The following PPIG variants were observed in gnomAD, a reference collection of about 807,000 sequenced individuals.
The protein encoded by PPIG is peptidylprolyl isomerase G.
A neutral mutation model predicts 87.9 loss-of-function variants in PPIG; 26 were observed. The observed-to-expected ratio is 0.30, with a 90% confidence interval of 0.22 to 0.41. The LOEUF (loss-of-function observed/expected upper bound fraction) is 0.41. Ranked by LOEUF, PPIG falls within the 10% of genes least tolerant of loss-of-function variation. The pLI is 1.00. For missense variants in PPIG, 722 were observed against 879.4 expected, an observed-to-expected ratio of 0.82 and a Z score of 2.26; for synonymous variants, 308 against 276.5, an observed-to-expected ratio of 1.11 and a Z score of -1.13.
chr2:169,634,419 A>G (rs1008801984), intron 12 of PPIG, among the ~76,000 whole-genome samples: 1 of 151,920 alleles, frequency 6.6e-6, no homozygotes, highest in African/African-American at 2.4e-5. Context: ...ATCTTCTCAC[A>G]CTGCATATAC....
At chr2:169,598,352 G>A (rs893644195) in intron 1 of PPIG, among the ~76,000 whole-genome samples, 3 of 151,468 alleles carry the variant, frequency 2.0e-5, no homozygotes, top group African/African-American at 7.3e-5. Context: ...GTGCAGTGGC[G>A]CGATCTTGGC....
At chr2:169,618,852 G>T (rs549595303) in intron 9 of PPIG, among the ~76,000 whole-genome samples, 2,337 of 147,332 alleles carry the variant, frequency 0.016, 64 homozygotes, top group African/African-American at 0.056. Context: ...AGGGTTTTTT[G>T]TTTCTCTTAT....
At position 169,639,872 on chromosome 2, in the gene PPIG, T is replaced by C. The variant is rs1293525388; in HGVS notation, c.*2349T>C. The C allele has an allele frequency of 3.9e-5, 6 of 152,158 alleles. No individual in the cohort carries two copies. Among genetic ancestry groups the C allele is most frequent in the African/African-American group, 1.4e-4 (6 of 41,442 alleles). 9.4% of individuals were successfully genotyped at this position (152,158 alleles called of 1,614,324 possible). A position where few individuals can be genotyped will look rare whatever the true frequency, so the allele number is the denominator to read the frequency against. On this transcript the variant is annotated 3_prime_UTR_variant, in exon 14 of 14. Transcript: ENST00000260970. ...CATTGTTTTCCTAAAAGTCAACTAT[T>C]ACTTTCCCATCAAGTTGGTTTTATA...
intron 12 of PPIG, among the ~76,000 whole-genome samples, chr2:169,635,653 C>T (rs1686159403): frequency 6.6e-6 from 1 of 152,126 alleles, no homozygotes; most frequent in Admixed American, 6.5e-5. Flanking sequence ...CTGTTTTCCC[C>T]ATAATATGAG....
chr2:169,621,425 T>C (rs563707282), intron 9 of PPIG, among the ~76,000 whole-genome samples: 91 of 152,324 alleles, frequency 6.0e-4, no homozygotes, highest in South Asian at 3.1e-3. Context: ...ATGGGATTTC[T>C]TGATGTACAT....
At chr2:169,609,750 G>A (rs189481894) in intron 7 of PPIG, among the ~76,000 whole-genome samples, 2 of 152,276 alleles carry the variant, frequency 1.3e-5, no homozygotes. Flanking sequence ...AAACGGAATG[G>A]TGGAGTTAGA....
intron 9 of PPIG, among the ~76,000 whole-genome samples, chr2:169,622,218 C>T (rs904465819): frequency 3.3e-5 from 5 of 151,298 alleles, no homozygotes; most frequent in African/African-American, 7.3e-5. Flanking sequence ...GTCAGGAGGT[C>T]GAGACCAGCC....
intron 5 of PPIG, among the ~76,000 whole-genome samples, 176 bp downstream of exon 5, chr2:169,606,322 G>A (rs137976416): frequency 3.3e-5 from 5 of 151,766 alleles, no homozygotes; most frequent in African/African-American, 1.2e-4. Context: ...GGCTGGGTGC[G>A]GTGGCTCACG....
At chr2:169,590,387 C>T (rs183563061) in intron 1 of PPIG, among the ~76,000 whole-genome samples, 7 of 151,826 alleles carry the variant, frequency 4.6e-5, no homozygotes, top group Non-Finnish European at 1.0e-4. Context: ...AAGCCTGTAA[C>T]GCCAGCACTT....
chr2:169,608,306 C>T (rs1294304462), intron 6 of PPIG, among the ~76,000 whole-genome samples: 7 of 151,786 alleles, frequency 4.6e-5, no homozygotes, highest in Admixed American at 1.3e-4. Flanking sequence ...CTGGCTAACA[C>T]GGTGAAATGC....
chr2:169,606,987 C>T (rs190805150), intron 5 of PPIG, 117 bp from the exon 6 acceptor site: 20 of 704,146 alleles, frequency 2.8e-5, no homozygotes, highest in Middle Eastern at 3.9e-4. Flanking sequence ...TTGCTGCAAT[C>T]TTCGAATATT....
chr2:169,584,578 G>C, intron 1 of PPIG, 88 bp downstream of exon 1: 1 of 451,260 alleles, frequency 2.2e-6, no homozygotes, highest in Non-Finnish European at 4.5e-6. Flanking sequence ...GAAGAGGGGC[G>C]GAGCCGGCGC....
At position 169,606,040 on chromosome 2, in the gene PPIG, T is replaced by G; in HGVS notation, c.138T>G (p.Gly46=). ...TCENFRCLCT[G]EKGTGKSTQK... is the part of the protein sequence containing the mutation. ...TGTCCTATTTTTTTATCTCTATAGG[T>G]GAAAAGGGGACCGGGAAATCAACTC... Residue 46 remains glycine (G), a splice_region_variant and synonymous_variant, in exon 5 of 14, where the codon GGT becomes GGG. Coordinates refer to ENST00000260970, the MANE Select transcript of PPIG (RefSeq NM_004792.3). 1.9e-6 allele frequency: 3 copies of G among 1,602,886 alleles called. No homozygotes were observed. The highest frequency in any genetic ancestry group is 2.6e-6 in the Non-Finnish European group (3 of 1,170,056).
intron 11 of PPIG, among the ~76,000 whole-genome samples, chr2:169,632,209 C>A (rs72625204): frequency 0.11 from 17,164 of 152,118 alleles, 1,223 homozygotes; most frequent in South Asian, 0.26. Flanking sequence ...TAACAAGATA[C>A]TCTTTAACCA....
At chr2:169,629,082 A>G (rs1685972390) in intron 9 of PPIG, among the ~76,000 whole-genome samples, 1 of 152,196 alleles carries the variant, frequency 6.6e-6, no homozygotes. Context: ...TTCTGTAACC[A>G]AACAACCAAC....
At chr2:169,629,891 A>T (rs1685990317) in intron 9 of PPIG, among the ~76,000 whole-genome samples, 1 of 152,192 alleles carries the variant, frequency 6.6e-6, no homozygotes. Context: ...TTTATACTTT[A>T]TGAGTATCAC....
At chr2:169,588,146 C>CAA (rs59940992) in intron 1 of PPIG, among the ~76,000 whole-genome samples, 110,972 of 151,806 alleles carry the variant, frequency 0.73, 40,780 homozygotes, top group East Asian at 0.85. Context: ...GCCTGGGAAA[C>CAA]GAGCGAAACT....
At chr2:169,611,691 TTCC>T (rs1452541143) in intron 7 of PPIG, among the ~76,000 whole-genome samples, 3 of 152,190 alleles carry the variant, frequency 2.0e-5, no homozygotes, top group Non-Finnish European at 4.4e-5. Flanking sequence ...ATAATTTATT[TTCC>T]TCTTTTAAAT....
chr2:169,598,542 C>A (rs529306068), intron 1 of PPIG, among the ~76,000 whole-genome samples: 361 of 152,182 alleles, frequency 2.4e-3, no homozygotes, highest in African/African-American at 8.4e-3. Flanking sequence ...CCACCCAAAG[C>A]GGCCTCCCAA....
Sources: gnomAD v4.1 joint callset for allele counts (sites outside exome capture counted in the v4.1 genomes callset) on GRCh38, gnomAD v4.1.1 for gene constraint, MANE v1.5 for transcripts, NCBI Gene and HGNC (gene_info 2026-07-23, HGNC 2026-07-21) for gene names.